Variants in CRYBG3 observed in about 807,000 individuals in gnomAD.
CRYBG3 encodes crystallin beta-gamma domain containing 3.
CRYBG3 carries 127 observed loss-of-function variants against 244.2 expected under a neutral mutation model. The ratio of observed to expected loss-of-function variants is 0.52; its 90% CI spans 0.45 to 0.60. The LOEUF is 0.60. Ranked by LOEUF, CRYBG3 falls within the 20% of genes least tolerant of loss-of-function variation. The probability of loss-of-function intolerance (pLI) is 0.00; values close to 1 mark genes in which losing one functional copy is unlikely to be tolerated. For missense variants in CRYBG3, 3,325 were observed against 3,442.5 expected, an observed-to-expected ratio of 0.97 and a Z score of 0.85; for synonymous variants, 1,132 against 1,195.8, an observed-to-expected ratio of 0.95 and a Z score of 1.10.
chr3:97,877,246 G>A lies in CRYBG3; in HGVS notation c.6052G>A (p.Ala2018Thr), dbSNP rs755916822. ...GGAGGACAAGTATGCTTCCGCAGAA[G>A]CAAGACAAACACAGTCTGTCTTGTT... is the stretch of plus-strand genomic sequence containing the variant. Reference protein sequence around the residue: ...QEEDKYASAEARQTQSVLFHD... With the variant: ...QEEDKYASAETRQTQSVLFHD... Residue 2018 changes from alanine (A) to threonine (T), a missense_variant, in exon 4 of 22, where the codon GCA (alanine) becomes ACA (threonine). By Grantham distance (58) the Ala-to-Thr change is moderately conservative. Transcript: ENST00000389622. 8.7e-6 allele frequency: 14 copies of A among 1,613,716 alleles called. No individual in the cohort carries two copies. In the East Asian group the frequency reaches 2.7e-4, roughly 31 times the overall value.
At chr3:97,891,233 C>T (rs1225423578) in intron 10 of CRYBG3, among the ~76,000 whole-genome samples, 1 of 152,092 alleles carries the variant, frequency 6.6e-6, no homozygotes, top group Non-Finnish European at 1.5e-5. Flanking sequence ...ATTCCGAACA[C>T]AGGGATATAC....
intron 2 of CRYBG3, among the ~76,000 whole-genome samples, chr3:97,845,020 TA>T (rs2038879399): frequency 6.6e-6 from 1 of 152,174 alleles, no homozygotes; most frequent in Non-Finnish European, 1.5e-5. Flanking sequence ...TGTAACTTTT[TA>T]AAAAACCTTC....
intron 16 of CRYBG3, among the ~76,000 whole-genome samples, chr3:97,912,890 T>A (rs966771182): frequency 1.2e-4 from 18 of 152,208 alleles, no homozygotes; most frequent in African/African-American, 4.3e-4. Flanking sequence ...CTAAAATATA[T>A]GTAACATAAA....
chr3:97,940,470 T>C (rs1454148765), intron 19 of CRYBG3, among the ~76,000 whole-genome samples: 1 of 152,064 alleles, frequency 6.6e-6, no homozygotes, highest in Non-Finnish European at 1.5e-5. Context: ...ATACTACGTG[T>C]TCAATAAATA....
Position 97,875,503 on chromosome 3 carries a change from G to C in CRYBG3, c.4309G>C (p.Asp1437His). Residue 1437 changes from aspartate to histidine, a missense_variant, in exon 4 of 22, where the codon GAT (aspartate) becomes CAT (histidine). By Grantham distance (81) the Asp-to-His change is moderately conservative. Around this residue, in one of 4 missense-constraint regions of CRYBG3, gnomAD observed 635 missense variants for 771.7 expected, o/e 0.82. Coordinates refer to ENST00000389622, the MANE Select transcript of CRYBG3 (RefSeq NM_153605.4). ...LAEDMSHKRLDDRVKTHLFRS... is the reference protein window; with the variant it reads ...LAEDMSHKRLHDRVKTHLFRS... ...TGAAGACATGTCACATAAACGGTTA[G>C]ATGATAGGGTAAAAACACATTTATT... 7.8e-7 allele frequency: 1 copy of C among 1,283,918 alleles called. No homozygotes were observed. Among genetic ancestry groups the C allele is most frequent in the African/African-American group, 1.5e-5 (1 of 65,114 alleles). 79.5% of individuals were successfully genotyped at this position (1,283,918 alleles called of 1,614,324 possible).
At chr3:97,887,852 C>A (rs1048973998) in intron 8 of CRYBG3, among the ~76,000 whole-genome samples, 1 of 152,150 alleles carries the variant, frequency 6.6e-6, no homozygotes, top group African/African-American at 2.4e-5. Flanking sequence ...TCAAGCTTAG[C>A]TGGAAGATGG....
At chr3:97,927,945 C>T (rs955246622) in intron 17 of CRYBG3, among the ~76,000 whole-genome samples, 2 of 151,984 alleles carry the variant, frequency 1.3e-5, no homozygotes, top group Non-Finnish European at 2.9e-5. Flanking sequence ...GGAATGTTTA[C>T]ACTGGTTGTA....
At chr3:97,863,327 G>A (rs902974449) in intron 2 of CRYBG3, among the ~76,000 whole-genome samples, 5 of 152,098 alleles carry the variant, frequency 3.3e-5, no homozygotes, top group Non-Finnish European at 7.4e-5. Context: ...AGCATGAAGT[G>A]GAATGCCAAC....
chr3:97,935,678 GA>G (rs1053265610), intron 18 of CRYBG3, among the ~76,000 whole-genome samples: 5 of 152,020 alleles, frequency 3.3e-5, no homozygotes, highest in African/African-American at 1.2e-4. Flanking sequence ...TTTTAATCTG[GA>G]AAATCGAGGG....
intron 2 of CRYBG3, among the ~76,000 whole-genome samples, chr3:97,856,189 C>G (rs994760972): frequency 2.0e-5 from 3 of 152,130 alleles, no homozygotes; most frequent in Non-Finnish European, 4.4e-5. Context: ...CGATATTTCT[C>G]CCATTTGCTT....
chr3:97,884,036 T>G (rs539606760), intron 7 of CRYBG3, among the ~76,000 whole-genome samples: 103 of 152,300 alleles, frequency 6.8e-4, no homozygotes, highest in Non-Finnish European at 1.4e-3. Context: ...AGAGGAAATT[T>G]GTTTGTGTGA....
chr3:97,881,416 T>C (rs1204558913), intron 7 of CRYBG3, among the ~76,000 whole-genome samples, 197 bp downstream of exon 7: 1 of 152,124 alleles, frequency 6.6e-6, no homozygotes, highest in East Asian at 1.9e-4. Flanking sequence ...GGTAATGTAG[T>C]TTATAAAATG....
At chr3:97,922,304 A>C (rs1163867583) in intron 17 of CRYBG3, among the ~76,000 whole-genome samples, 4 of 152,202 alleles carry the variant, frequency 2.6e-5, no homozygotes, top group African/African-American at 9.7e-5. Flanking sequence ...TAAAACACCA[A>C]AAGCAATGGC....
intron 17 of CRYBG3, chr3:97,924,511 A>T: frequency 2.6e-6 from 1 of 383,050 alleles, no homozygotes. Flanking sequence ...CAGTTCCACA[A>T]GTCAGAAGTC....
Position 97,872,713 on chromosome 3 carries a change from G to A in CRYBG3, c.1519G>A (p.Val507Ile). The A allele has an allele frequency of 6.5e-7, 1 of 1,535,974 alleles. No homozygotes were observed. Among genetic ancestry groups the A allele is most frequent in the Non-Finnish European group, 8.7e-7 (1 of 1,146,806 alleles). ...QRHAVTDTEF[V>I]NEGKRLSAQD... ...ACATGCTGTGACAGACACAGAATTT[G>A]TAAATGAAGGAAAGAGATTGTCTGC... is the stretch of plus-strand genomic sequence containing the variant. Residue 507 changes from valine to isoleucine, a missense_variant, in exon 4 of 22, where the codon GTA becomes ATA. Around this residue, in one of 4 missense-constraint regions of CRYBG3, gnomAD observed 1,526 missense variants for 1,443.2 expected, o/e 1.06. Transcript: ENST00000389622.
chr3:97,919,335 T>A (rs1444233106), intron 17 of CRYBG3, among the ~76,000 whole-genome samples: 1 of 152,100 alleles, frequency 6.6e-6, no homozygotes, highest in Non-Finnish European at 1.5e-5. Context: ...TTAATCATAC[T>A]AAGACAGCTC....
rs139232160 is a variant in CRYBG3 at position 97,877,997 on chromosome 3, G to A, written c.6803G>A (p.Arg2268His). Residue 2268 changes from arginine to histidine, a missense_variant, in exon 4 of 22, where the codon CGT becomes CAT. Around this residue, in one of 4 missense-constraint regions of CRYBG3, gnomAD observed 450 missense variants for 424.1 expected, o/e 1.06. Transcript: ENST00000389622. The stretch of plus-strand genomic sequence containing the variant: ...CAGGAACCAGTGTCAAAATATTTCC[G>A]TGTTCAAGACAGCCCAGGCAGATTG... ...IFQEPVSKYF[R>H]VQDSPGRLSP... The A allele has an allele frequency of 6.1e-5, 98 of 1,613,994 alleles. 2 individuals are homozygous for A. The highest frequency in any genetic ancestry group is 5.1e-4 in the African/African-American group (38 of 75,040).
chr3:97,824,046 C>T (rs80014788), intron 1 of CRYBG3, among the ~76,000 whole-genome samples: 5,103 of 152,266 alleles, frequency 0.034, 282 homozygotes, highest in African/African-American at 0.12. Context: ...ATTTTGTTCT[C>T]ATCTTTTTTG....
chr3:97,874,628 A>G lies in CRYBG3; in HGVS notation c.3434A>G (p.Gln1145Arg), dbSNP rs2039348590. The G allele has an allele frequency of 6.5e-7, 1 of 1,536,038 alleles. No homozygotes were observed. The highest frequency in any genetic ancestry group is 8.7e-7 in the Non-Finnish European group (1 of 1,146,862). Residue 1145 changes from glutamine (Q) to arginine (R), a missense_variant, in exon 4 of 22, where the codon CAA (glutamine) becomes CGA (arginine). Coordinates refer to ENST00000389622, the MANE Select transcript of CRYBG3 (RefSeq NM_153605.4). ...KISIDFPTAA[Q>R]FDNLVEAETG... ...TCCATTGATTTCCCAACTGCTGCCC[A>G]ATTTGACAATCTCGTGGAAGCAGAG...
Sources: gnomAD v4.1 joint callset for allele counts (sites outside exome capture counted in the v4.1 genomes callset) on GRCh38, gnomAD v4.1.1 for gene constraint, gnomAD v4.1.1 regional missense constraint, MANE v1.5 for transcripts, NCBI Gene and HGNC (gene_info 2026-07-23, HGNC 2026-07-21) for gene names.